CDK14: variants seen among roughly 807,000 people sequenced by gnomAD.
The protein encoded by CDK14 is cyclin-dependent kinase 14.
In CDK14, 34 loss-of-function variants were observed where a neutral mutation model predicts 60.7. That is an observed-to-expected ratio of 0.56 (90% CI 0.43 to 0.75). The LOEUF (loss-of-function observed/expected upper bound fraction) is 0.75. CDK14 is among the 30% of genes least tolerant of loss of function. The probability of loss-of-function intolerance (pLI) is 0.00; values close to 1 mark genes in which losing one functional copy is unlikely to be tolerated. For missense variants in CDK14, 482 were observed against 564.1 expected (o/e 0.85, Z 1.47); for synonymous variants, 197 against 203.7 (o/e 0.97, Z 0.28).
chr7:90,612,407 T>C (rs1332560961), intron 2 of CDK14, among the ~76,000 whole-genome samples: 1 of 152,134 alleles, frequency 6.6e-6, no homozygotes, highest in Admixed American at 6.5e-5. Context: ...CAGGCATTTA[T>C]GGGTTGACCA....
At chr7:90,768,431 A>C (rs1174230666) in intron 4 of CDK14, among the ~76,000 whole-genome samples, 1 of 152,182 alleles carries the variant, frequency 6.6e-6, no homozygotes, top group Non-Finnish European at 1.5e-5. Context: ...AGCAGCGATT[A>C]TTTTTGAAAG....
chr7:91,055,618 C>T (rs1489514388), intron 11 of CDK14, among the ~76,000 whole-genome samples: 1 of 152,146 alleles, frequency 6.6e-6, no homozygotes, highest in Non-Finnish European at 1.5e-5. Flanking sequence ...TTATTCACAC[C>T]TCATATCGCT....
At chr7:90,707,758 C>T (rs976629670) in intron 2 of CDK14, among the ~76,000 whole-genome samples, 2 of 152,100 alleles carry the variant, frequency 1.3e-5, no homozygotes, top group African/African-American at 2.4e-5. Flanking sequence ...CTGGGTAGTA[C>T]TGGAAGCTTC....
chr7:90,608,454 G>A (rs1009228651), intron 2 of CDK14: 2 of 450,724 alleles, frequency 4.4e-6, no homozygotes, highest in Non-Finnish European at 5.9e-6. Context: ...GATAGCTACA[G>A]CAATTCATGA....
intron 14 of CDK14, among the ~76,000 whole-genome samples, chr7:91,163,449 T>C (rs1341338339): frequency 6.6e-6 from 1 of 152,230 alleles, no homozygotes; most frequent in Non-Finnish European, 1.5e-5. Flanking sequence ...AAAATATCAC[T>C]GCAGTTACTC....
intron 2 of CDK14, chr7:90,666,467 G>A (rs2116518164): frequency 6.6e-6 from 1 of 152,282 alleles, no homozygotes; most frequent in South Asian, 2.1e-4. Flanking sequence ...ACATACTATA[G>A]CCCTTTTTGG....
intron 11 of CDK14, among the ~76,000 whole-genome samples, chr7:91,070,535 G>T (rs1406658068): frequency 6.6e-6 from 1 of 152,170 alleles, no homozygotes; most frequent in African/African-American, 2.4e-5. Flanking sequence ...AAAGCAGGAG[G>T]ATTGCTTGAG....
At chr7:90,810,403 CT>C in intron 5 of CDK14, among the ~76,000 whole-genome samples, 1 of 152,254 alleles carries the variant, frequency 6.6e-6, no homozygotes, top group South Asian at 2.1e-4. Flanking sequence ...TGGAAAAGAC[CT>C]TTGACAAAAT....
intron 2 of CDK14, among the ~76,000 whole-genome samples, chr7:90,692,322 T>C (rs1431102695): frequency 2.6e-5 from 4 of 152,204 alleles, no homozygotes; most frequent in Non-Finnish European, 5.9e-5. Context: ...CAAGGACTTA[T>C]TTTTCAAGTA....
intron 14 of CDK14, among the ~76,000 whole-genome samples, chr7:91,139,785 C>CCTTTCTTTCTTTCTTTCTTTCTTTCTTT (rs71292993): frequency 9.4e-4 from 137 of 146,366 alleles, no homozygotes; most frequent in Admixed American, 1.4e-3. Context: ...TTTTTTCTTT[C>CCTTTCTTTCTTTCTTTCTTTCTTTCTTT]CTTTCTTTCT....
At chr7:91,066,938 C>G (rs1372682050) in intron 11 of CDK14, among the ~76,000 whole-genome samples, 1 of 152,176 alleles carries the variant, frequency 6.6e-6, no homozygotes, top group East Asian at 1.9e-4. Flanking sequence ...ATTAATTGCA[C>G]TTCTCAGTTA....
At chr7:91,164,041 T>G (rs1350783265) in intron 14 of CDK14, among the ~76,000 whole-genome samples, 1 of 152,164 alleles carries the variant, frequency 6.6e-6, no homozygotes, top group East Asian at 1.9e-4. Context: ...ATGAGTTGGA[T>G]TTAAAACATC....
intron 2 of CDK14, among the ~76,000 whole-genome samples, chr7:90,706,339 A>T (rs1362984077): frequency 6.6e-6 from 1 of 151,958 alleles, no homozygotes; most frequent in Non-Finnish European, 1.5e-5. Flanking sequence ...ATTTTCCCCT[A>T]CCCATTCCTC....
intron 2 of CDK14, among the ~76,000 whole-genome samples, chr7:90,704,287 T>G (rs796940038): frequency 1.8e-4 from 27 of 152,346 alleles, no homozygotes; most frequent in African/African-American, 6.0e-4. Context: ...AATTTCCAAC[T>G]TAGATGAAGT....
intron 11 of CDK14, among the ~76,000 whole-genome samples, chr7:91,047,545 G>A (rs1797274308): frequency 1.3e-5 from 2 of 152,170 alleles, no homozygotes; most frequent in Admixed American, 1.3e-4. Flanking sequence ...CGTATTGAAT[G>A]TTAAAACAGA....
Position 91,084,814 on chromosome 7 carries a change from C to T in CDK14, c.1154+5334C>T, listed in dbSNP as rs563562371. Among the ~76,000 whole-genome samples the T allele has an allele frequency of 7.2e-5, 11 of 152,296 alleles. No individual in the cohort carries two copies. In the East Asian group the frequency reaches 2.1e-3, roughly 29 times the overall value. On this transcript the variant is annotated intron_variant, in intron 12 of 14. Coordinates refer to ENST00000380050, the MANE Select transcript of CDK14 (RefSeq NM_001287135.2). ...CATTGCTTTTCATCCTTTCAGATTA[C>T]GTGTTGGACTCCTCATCCAAAAGTG...
intron 12 of CDK14, among the ~76,000 whole-genome samples, chr7:91,102,894 T>C (rs1016137421): frequency 7.2e-5 from 11 of 152,168 alleles, no homozygotes; most frequent in Non-Finnish European, 1.5e-4. Flanking sequence ...TAACCATTGA[T>C]ATACTCATTA....
At chr7:91,018,828 A>T (rs1360987202) in intron 10 of CDK14, among the ~76,000 whole-genome samples, 1 of 152,170 alleles carries the variant, frequency 6.6e-6, no homozygotes, top group African/African-American at 2.4e-5. Context: ...TGTTTCCTGT[A>T]CAGCCTGTGG....
intron 2 of CDK14, chr7:90,710,366 T>C: frequency 1.0e-6 from 1 of 985,046 alleles, no homozygotes; most frequent in Non-Finnish European, 1.2e-6. Flanking sequence ...GCCCTCTGAG[T>C]CAAGCAAGTG....
Sources: gnomAD v4.1 joint callset for allele counts (sites outside exome capture counted in the v4.1 genomes callset) on GRCh38, gnomAD v4.1.1 for gene constraint, MANE v1.5 for transcripts, NCBI Gene and HGNC (gene_info 2026-07-23, HGNC 2026-07-21) for gene names.